The following SPDYE10 variants were observed in gnomAD, a reference collection of about 807,000 sequenced individuals.
SPDYE10 encodes speedy/RINGO cell cycle regulator family member E10.
chr7:73,127,488 G>A, the SPDYE10 span, among the ~76,000 whole-genome samples: 1 of 96,622 alleles, frequency 1.0e-5, no homozygotes, highest in Non-Finnish European at 2.2e-5. Flanking sequence ...GAACCTTGGA[G>A]GCCAAGGTTG....
chr7:73,150,907 A>AAAAAATATATAT, the SPDYE10 span, among the ~76,000 whole-genome samples: 1 of 11,576 alleles, frequency 8.6e-5, no homozygotes. Context: ...AAAAAAAAAA[A>AAAAAATATATAT]ATATATATAT....
At chr7:73,123,821 C>CTCTCTCTCTCTCTCTCTCTCTT in the SPDYE10 span, among the ~76,000 whole-genome samples, 1 of 151,574 alleles carries the variant, frequency 6.6e-6, no homozygotes, top group Admixed American at 6.6e-5. Context: ...CTCTCTCTCT[C>CTCTCTCTCTCTCTCTCTCTCTT]TCTCTCTGGC....
the SPDYE10 span, among the ~76,000 whole-genome samples, chr7:73,115,379 C>T: frequency 7.2e-5 from 11 of 152,004 alleles, no homozygotes; most frequent in South Asian, 2.1e-4. Flanking sequence ...TGTAGAGGAG[C>T]GGAGAGGGAG....
chr7:73,150,946 A>ATTT, the SPDYE10 span, among the ~76,000 whole-genome samples: 15 of 11,322 alleles, frequency 1.3e-3, no homozygotes, highest in African/African-American at 6.1e-3. Flanking sequence ...ATATATATAT[A>ATTT]TATTTTTTTT....
chr7:73,147,199 A>C, the SPDYE10 span, among the ~76,000 whole-genome samples: 1 of 128,624 alleles, frequency 7.8e-6, no homozygotes, highest in Admixed American at 8.0e-5. Flanking sequence ...AGTCTCACTC[A>C]CTCTGTCACC....
chr7:73,145,168 TTC>T, the SPDYE10 span, among the ~76,000 whole-genome samples: 7 of 143,420 alleles, frequency 4.9e-5, no homozygotes, highest in African/African-American at 2.0e-4. Context: ...TTCTTTCTCT[TTC>T]TCTCTCTCTT....
the SPDYE10 span, among the ~76,000 whole-genome samples, chr7:73,120,780 T>C: frequency 4.7e-5 from 7 of 148,930 alleles, no homozygotes; most frequent in Admixed American, 3.3e-4. Flanking sequence ...AGAGGGAGAT[T>C]CTGTCTCAAA....
chr7:73,113,601 C>A, the SPDYE10 span, among the ~76,000 whole-genome samples: 5 of 150,446 alleles, frequency 3.3e-5, no homozygotes, highest in African/African-American at 1.2e-4. Flanking sequence ...TCCAAAGAAC[C>A]TGTGGGTTCC....
At chr7:73,134,537 A>AAGAAAG in the SPDYE10 span, among the ~76,000 whole-genome samples, 4,665 of 139,548 alleles carry the variant, frequency 0.033, 66 homozygotes, top group Middle Eastern at 0.046. Context: ...GAAAGAAAGA[A>AAGAAAG]AAAGAAAGAA....
chr7:73,149,369 G>C, the SPDYE10 span, among the ~76,000 whole-genome samples: 1 of 139,738 alleles, frequency 7.2e-6, no homozygotes, highest in African/African-American at 2.7e-5. Flanking sequence ...CTCACTGCAA[G>C]CTCCACCTCC....
At chr7:73,115,155 T>C in the SPDYE10 span, among the ~76,000 whole-genome samples, 2 of 151,938 alleles carry the variant, frequency 1.3e-5, no homozygotes, top group Non-Finnish European at 1.5e-5. Flanking sequence ...CTCAGCCTCC[T>C]AAAGTGCTGG....
At chr7:73,134,541 G>GAAAGAAAA in the SPDYE10 span, among the ~76,000 whole-genome samples, 1 of 151,446 alleles carries the variant, frequency 6.6e-6, no homozygotes, top group African/African-American at 2.4e-5. Flanking sequence ...GAAAGAAAAA[G>GAAAGAAAA]AAAGAAAGAA....
At chr7:73,107,611 T>C in the SPDYE10 span, among the ~76,000 whole-genome samples, 1 of 73,524 alleles carries the variant, frequency 1.4e-5, no homozygotes, top group African/African-American at 4.7e-5. Flanking sequence ...ACAGGGCAAG[T>C]CTGTCTCAAA....
At chr7:73,142,984 AAGG>A in the SPDYE10 span, among the ~76,000 whole-genome samples, 1 of 57,598 alleles carries the variant, frequency 1.7e-5, no homozygotes, top group African/African-American at 1.1e-4. Flanking sequence ...GGGAGGGAGG[AAGG>A]AAGGAAGGAA....
the SPDYE10 span, among the ~76,000 whole-genome samples, chr7:73,114,983 G>C: frequency 5.3e-5 from 8 of 149,868 alleles, no homozygotes; most frequent in Admixed American, 2.0e-4. Flanking sequence ...TGCAACCTCC[G>C]CCTCCCGGGT....
the SPDYE10 span, among the ~76,000 whole-genome samples, chr7:73,142,980 GAGGAAGGAAGGA>G: frequency 5.6e-3 from 528 of 93,720 alleles, 1 homozygote; most frequent in African/African-American, 0.013. Flanking sequence ...GGGAGGGAGG[GAGGAAGGAAGGA>G]AGGAAGGAAG....
chr7:73,137,895 G>A, the SPDYE10 span, among the ~76,000 whole-genome samples: 2 of 125,464 alleles, frequency 1.6e-5, no homozygotes, highest in Non-Finnish European at 3.4e-5. Flanking sequence ...GAAGGAGAGG[G>A]GAAGGGGAGG....
the SPDYE10 span, among the ~76,000 whole-genome samples, chr7:73,117,106 T>C: frequency 7.0e-6 from 1 of 143,558 alleles, no homozygotes. Flanking sequence ...TAAGATTGAG[T>C]CTTGCTCTGT....
At chr7:73,130,302 A>C in the SPDYE10 span, among the ~76,000 whole-genome samples, 1 of 152,064 alleles carries the variant, frequency 6.6e-6, no homozygotes, top group Non-Finnish European at 1.5e-5. Context: ...ATTAAAAAAA[A>C]AAAAAAAATC....
Sources: allele counts gnomAD v4.1 joint callset (sites outside exome capture counted in the v4.1 genomes callset), GRCh38; gene constraint gnomAD v4.1.1; transcripts MANE v1.5; gene names NCBI Gene and HGNC (gene_info 2026-07-23, HGNC 2026-07-21).